The following ABCG1 variants were observed in gnomAD, a reference collection of about 807,000 sequenced individuals.
The protein encoded by ABCG1 is ATP-binding cassette sub-family G member 1.
Under a neutral mutation model 69.2 loss-of-function variants are expected in ABCG1, and 29 were observed. The observed-to-expected ratio is 0.42, with a 90% CI of 0.31 to 0.57. ABCG1 has a LOEUF of 0.57. Ranked by LOEUF, ABCG1 falls within the 20% of genes least tolerant of loss-of-function variation. The pLI is 0.15. For synonymous variants in ABCG1, 370 were observed against 374.8 expected (o/e 0.99, Z 0.15); for missense variants, 718 against 898.1 (o/e 0.80, Z 2.56).
At chr21:42,290,965 C>A in intron 11 of ABCG1, 127 bp from the exon 12 acceptor site, 1 of 663,440 alleles carries the variant, frequency 1.5e-6, no homozygotes, top group Non-Finnish European at 2.7e-6. Context: ...TCTGTTTGTT[C>A]AATCTCTCAG....
intron 2 of ABCG1, among the ~76,000 whole-genome samples, chr21:42,208,957 G>A (rs2123469550): frequency 6.6e-6 from 1 of 152,308 alleles, no homozygotes; most frequent in South Asian, 2.1e-4. Context: ...CTCCTGGAGA[G>A]GAGGAATGCA....
At chr21:42,274,752 T>C (rs147825096) in intron 4 of ABCG1, among the ~76,000 whole-genome samples, 1 of 151,334 alleles carries the variant, frequency 6.6e-6, no homozygotes, top group African/African-American at 2.4e-5. Flanking sequence ...GGATTACAGG[T>C]GTGAGCCACC....
At chr21:42,202,427 G>A (rs2067513351) in intron 2 of ABCG1, among the ~76,000 whole-genome samples, 2 of 152,128 alleles carry the variant, frequency 1.3e-5, no homozygotes, top group Admixed American at 6.5e-5. Flanking sequence ...GCATGGAGGA[G>A]TAAAGCCATC....
chr21:42,243,979 C>T (rs530027371), intron 2 of ABCG1, among the ~76,000 whole-genome samples: 14 of 152,028 alleles, frequency 9.2e-5, no homozygotes, highest in South Asian at 4.2e-4. Context: ...CCACCACGCC[C>T]GGCTAATTTT....
intron 2 of ABCG1, chr21:42,259,947 T>G (rs922010283): frequency 6.8e-7 from 1 of 1,480,620 alleles, no homozygotes; most frequent in Admixed American, 2.4e-5. Flanking sequence ...GGTTGGACGG[T>G]GGTGTTGGCT....
At chr21:42,230,820 C>T (rs1003543291) in intron 2 of ABCG1, among the ~76,000 whole-genome samples, 38 of 152,116 alleles carry the variant, frequency 2.5e-4, no homozygotes, top group Middle Eastern at 3.2e-3. Flanking sequence ...CTCATGGGGC[C>T]GATTCAGGAA....
rs1458247695 is a variant in ABCG1 at position 42,293,141 on chromosome 21, TACACACC to T, written c.1654-1394_1654-1388del. ...ACTACACACACCACACACTACACACTACACACCACACACGGTACACACCACACACTAC... is the reference window on the plus strand; with the variant it reads ...ACTACACACACCACACACTACACACTACACACGGTACACACCACACACTAC... On this transcript the variant is annotated intron_variant, in intron 13 of 14. Coordinates refer to ENST00000398449, the MANE Select transcript of ABCG1 (RefSeq NM_016818.3). Among the ~76,000 whole-genome samples the T allele has an allele frequency of 1.6e-4, 13 of 81,548 alleles. No homozygotes were observed. The Admixed American group carries it at 1.9e-3, about 12-fold the overall frequency. The allele number at this position is 81,548 out of a possible 152,430, so 53.5% of individuals were successfully genotyped here.
chr21:42,291,409 G>C lies in ABCG1; in HGVS notation c.1495-89G>C. The stretch of plus-strand genomic sequence containing the variant: ...CTTTGGGAGCTCTGGCGGGAGCTGC[G>C]GGGAAGGGCTGGCTGCCCAGGAGCT... On this transcript the variant is annotated intron_variant, in intron 12 of 14. Transcript: ENST00000398449. This position sits in a 1 kb window ranked among gnomAD's most constrained non-coding sequence, Gnocchi z 6.4. 2 of 1,528,884 alleles carry C rather than the reference G, an allele frequency of 1.3e-6. No individual in the cohort carries two copies. Among genetic ancestry groups the C allele is most frequent in the East Asian group, 4.5e-5 (2 of 44,008 alleles). The allele number at this position is 1,528,884 out of a possible 1,614,324, so 94.7% of individuals were successfully genotyped here.
chr21:42,209,885 T>A (rs2067572847), intron 2 of ABCG1, among the ~76,000 whole-genome samples: 1 of 152,184 alleles, frequency 6.6e-6, no homozygotes, highest in African/African-American at 2.4e-5. Flanking sequence ...AGAACGAGTT[T>A]GTTTAAAGAG....
rs533039115 is a variant in ABCG1, at chr21:42,223,020, C to T, written c.43-2651C>T. Reference sequence around the variant, plus strand: ...TTCTGGTCCTGTTATTCCCTCGGGGCTCCCCAAAGATCTCTAGATAAAATG... The same window carrying T: ...TTCTGGTCCTGTTATTCCCTCGGGGTTCCCCAAAGATCTCTAGATAAAATG... On this transcript the variant is annotated intron_variant, in intron 1 of 14. Transcript: ENST00000398449. Among the ~76,000 whole-genome samples, 11 of 152,342 alleles carry T rather than the reference C, an allele frequency of 7.2e-5. No individual in the cohort carries two copies. The East Asian group carries it at 1.7e-3, about 24-fold the overall frequency.
At chr21:42,294,455 CG>C in intron 13 of ABCG1, 86 bp from the exon 14 acceptor site, 3 of 1,052,616 alleles carry the variant, frequency 2.9e-6, no homozygotes, top group Non-Finnish European at 4.5e-6. Context: ...TGGCCCTGCC[CG>C]GGGGAAGCTG....
chr21:42,284,206 C>G lies in ABCG1; in HGVS notation c.735-354C>G, dbSNP rs564666821. Among the ~76,000 whole-genome samples, 271 of 120,464 alleles carry G rather than the reference C, an allele frequency of 2.2e-3. 5 individuals are homozygous for G. Among genetic ancestry groups the G allele is most frequent in the Middle Eastern group, 3.9e-3 (1 of 254 alleles). 79.0% of individuals were successfully genotyped at this position (120,464 alleles called of 152,430 possible). On this transcript the variant is annotated intron_variant, in intron 6 of 14. Transcript: ENST00000398449. The stretch of plus-strand genomic sequence containing the variant: ...CGCCTGGACAGTTGCAAAGTCCCCC[C>G]GCCCAGATGAGTGGGGACCCCCCCA...
chr21:42,221,683 A>T (rs1333476825), intron 1 of ABCG1, among the ~76,000 whole-genome samples: 3 of 152,200 alleles, frequency 2.0e-5, no homozygotes, highest in African/African-American at 7.2e-5. Flanking sequence ...TTATGTGCTT[A>T]GGATGCTTAG....
In ABCG1 at chr21:42,290,144, T is replaced by C. The variant is rs1336530079; in HGVS notation, c.1319T>C (p.Leu440Ser). The C allele has an allele frequency of 6.2e-7, 1 of 1,614,180 alleles. No individual in the cohort carries two copies. Among genetic ancestry groups the C allele is most frequent in the Non-Finnish European group, 8.5e-7 (1 of 1,180,036 alleles). Residue 440 changes from leucine to serine, a missense_variant, in exon 11 of 15, where the codon TTG (leucine) becomes TCG (serine). By Grantham distance (145) the Leu-to-Ser change is moderately radical. Coordinates refer to ENST00000398449, the MANE Select transcript of ABCG1 (RefSeq NM_016818.3). Reference sequence around the variant, plus strand: ...ATCGGGAACGAAGCCAAGAAGGTCTTGAGCAACTCCGGCTTCCTCTTCTTC... The same window carrying C: ...ATCGGGAACGAAGCCAAGAAGGTCTCGAGCAACTCCGGCTTCCTCTTCTTC... ...LGIGNEAKKV[L>S]SNSGFLFFSM...
In ABCG1 at chr21:42,227,333, A is replaced by T. The variant is rs559513084; in HGVS notation, c.286+1419A>T. 3.3e-5 allele frequency among the ~76,000 whole-genome samples: 5 copies of T among 152,324 alleles called. No individual in the cohort carries two copies. The South Asian group carries it at 1.0e-3, about 32-fold the overall frequency. On this transcript the variant is annotated intron_variant, in intron 2 of 14. Transcript: ENST00000398449. ...ATAGGGTTCTAGAATTCTCCTTCTC[A>T]ACTTAAAGAAATATTTTATAGAAAA...
rs1417981352 is a variant in ABCG1 at position 42,225,720 on chromosome 21, T to A, written c.92T>A (p.Val31Asp). ...ATGACGGAGCCCAAGTCGGTGTGTG[T>A]CTCGGTGGATGAGGTGGTGTCCAGC... ...AEMTEPKSVC[V>D]SVDEVVSSNM... Residue 31 changes from valine to aspartate, a missense_variant, in exon 2 of 15, where the codon GTC becomes GAC. This residue lies in a region of ABCG1 where 514 missense variants were observed against 574.3 expected (regional missense o/e 0.90). Transcript: ENST00000398449. The A allele has an allele frequency of 9.3e-6, 15 of 1,613,804 alleles. No individual in the cohort carries two copies. The highest frequency in any genetic ancestry group is 1.2e-5 in the Non-Finnish European group (14 of 1,180,006).
At chr21:42,244,268 T>G (rs2068100275) in intron 2 of ABCG1, among the ~76,000 whole-genome samples, 1 of 152,100 alleles carries the variant, frequency 6.6e-6, no homozygotes. Context: ...TCACAGGGAT[T>G]CAGGAGGGCA....
chr21:42,215,331 GC>G (rs2067628472), upstream of ABCG1, among the ~76,000 whole-genome samples: 1 of 152,180 alleles, frequency 6.6e-6, no homozygotes, highest in African/African-American at 2.4e-5. Context: ...TCCTCAGTGT[GC>G]CCCTTTCTCC....
intron 2 of ABCG1, among the ~76,000 whole-genome samples, chr21:42,236,820 C>G (rs1261005529): frequency 6.6e-6 from 1 of 152,184 alleles, no homozygotes; most frequent in African/African-American, 2.4e-5. Flanking sequence ...TTACTAAAAA[C>G]AGTAAGGATG....
Sources: allele counts gnomAD v4.1 joint callset (sites outside exome capture counted in the v4.1 genomes callset), GRCh38; gene constraint gnomAD v4.1.1; regional missense constraint gnomAD v4.1.1; non-coding constraint Gnocchi (gnomAD v3.1); transcripts MANE v1.5; gene names NCBI Gene and HGNC (gene_info 2026-07-23, HGNC 2026-07-21).